PRELID2: variants seen among roughly 807,000 people sequenced by gnomAD.
PRELID2 encodes the protein PRELI domain-containing protein 2.
In PRELID2, 25 loss-of-function variants were observed where a neutral mutation model predicts 28.4. That is an observed-to-expected ratio of 0.88 (90% CI 0.64 to 1.23). The LOEUF (loss-of-function observed/expected upper bound fraction) is 1.23, where lower values mean the gene tolerates loss of function less well. Ranked by LOEUF, PRELID2 falls within the 50% of genes most tolerant of loss-of-function variation. The probability of loss-of-function intolerance (pLI) is 0.00; values close to 1 mark genes in which losing one functional copy is unlikely to be tolerated. For missense variants in PRELID2, 201 were observed against 214.4 expected (o/e 0.94, Z 0.39); for synonymous variants, 76 against 71.6 (o/e 1.06, Z -0.31).
rs28377893 is a variant in PRELID2, at chr5:145,821,016, T to C, written c.134-998A>G. Among the ~76,000 whole-genome samples, 1,074 of 152,244 alleles carry C rather than the reference T, an allele frequency of 7.1e-3. 15 individuals carry two copies. The highest frequency in any genetic ancestry group is 0.024 in the African/African-American group (1,015 of 41,544). ...AACTCCTGAGATCTTATCAGGAAGCTGCTGATCATCAGTTTCAGGTATTTT... is the reference window on the plus strand; with the variant it reads ...AACTCCTGAGATCTTATCAGGAAGCCGCTGATCATCAGTTTCAGGTATTTT... On this transcript the variant is annotated intron_variant, in intron 2 of 6. Transcript: ENST00000683046.
At chr5:145,654,035 A>T (rs932290825) in intron 1 of PRELID2, among the ~76,000 whole-genome samples, 1 of 152,194 alleles carries the variant, frequency 6.6e-6, no homozygotes, top group Admixed American at 6.5e-5. Flanking sequence ...GAGAAGAATC[A>T]AACAGATGCA....
the PRELID2 span, among the ~76,000 whole-genome samples, chr5:145,315,499 T>C: frequency 6.6e-6 from 1 of 152,234 alleles, no homozygotes; most frequent in East Asian, 1.9e-4. Context: ...ATTTTTCTTA[T>C]TCATGACTAC....
intron 1 of PRELID2, among the ~76,000 whole-genome samples, chr5:145,475,688 A>G (rs764390500): frequency 3.0e-4 from 45 of 152,216 alleles, no homozygotes; most frequent in Non-Finnish European, 6.2e-4. Context: ...TTCTTGTTTG[A>G]AAAGAATAGT....
At chr5:145,697,305 C>G (rs1203700520) in intron 1 of PRELID2, among the ~76,000 whole-genome samples, 1 of 151,864 alleles carries the variant, frequency 6.6e-6, no homozygotes, top group Admixed American at 6.6e-5. Flanking sequence ...CTCATTTAAT[C>G]TCACAGCAAC....
chr5:145,804,032 C>A (rs916610606), intron 4 of PRELID2, among the ~76,000 whole-genome samples: 10 of 152,162 alleles, frequency 6.6e-5, no homozygotes, highest in Non-Finnish European at 1.2e-4. Context: ...TAAGCGCTTT[C>A]CCTCTGAGCT....
downstream of PRELID2, among the ~76,000 whole-genome samples, chr5:145,469,335 T>C (rs569469297): frequency 6.6e-6 from 1 of 152,200 alleles, no homozygotes; most frequent in East Asian, 1.9e-4. Flanking sequence ...TCTTTGCAGG[T>C]GCAACAATTT....
chr5:145,293,149 A>C, the PRELID2 span, among the ~76,000 whole-genome samples: 6 of 152,272 alleles, frequency 3.9e-5, no homozygotes, highest in South Asian at 8.3e-4. Context: ...ACCATTTGCC[A>C]CAATTGCTAC....
intron 5 of PRELID2, among the ~76,000 whole-genome samples, chr5:145,794,599 C>T (rs950340085): frequency 2.6e-5 from 4 of 152,074 alleles, no homozygotes; most frequent in African/African-American, 9.7e-5. Context: ...GTGCCTAGTG[C>T]AAAGCAGGTA....
At chr5:145,573,509 G>A (rs1032840680) in intron 1 of PRELID2, among the ~76,000 whole-genome samples, 4 of 151,550 alleles carry the variant, frequency 2.6e-5, no homozygotes, top group South Asian at 2.1e-4. Context: ...TCCTCTGCCC[G>A]CACAACAGGC....
intron 1 of PRELID2, among the ~76,000 whole-genome samples, chr5:145,650,933 C>G (rs1057506945): frequency 6.6e-6 from 1 of 152,062 alleles, no homozygotes; most frequent in Non-Finnish European, 1.5e-5. Flanking sequence ...TGCGGCCCAC[C>G]GAGCGTGAGC....
At chr5:145,411,974 C>T in the PRELID2 span, among the ~76,000 whole-genome samples, 11 of 152,172 alleles carry the variant, frequency 7.2e-5, no homozygotes, top group Admixed American at 6.5e-4. Context: ...ATAGCTGGAG[C>T]AGCTGGGATG....
intron 1 of PRELID2, among the ~76,000 whole-genome samples, chr5:145,686,531 C>T (rs1755041433): frequency 6.6e-6 from 1 of 152,124 alleles, no homozygotes; most frequent in Non-Finnish European, 1.5e-5. Context: ...GCAGAAGAAA[C>T]ATTCAACCAG....
At chr5:145,385,696 T>C in the PRELID2 span, among the ~76,000 whole-genome samples, 1 of 152,202 alleles carries the variant, frequency 6.6e-6, no homozygotes, top group South Asian at 2.1e-4. Context: ...ATTATTGCAT[T>C]TTGTATTTCC....
intron 1 of PRELID2, among the ~76,000 whole-genome samples, chr5:145,825,076 A>G (rs1245116033): frequency 2.0e-5 from 3 of 151,560 alleles, no homozygotes; most frequent in Non-Finnish European, 4.4e-5. Context: ...AAATACAAAA[A>G]TTAGCCAGAT....
chr5:145,327,628 T>C, the PRELID2 span, among the ~76,000 whole-genome samples: 1 of 152,084 alleles, frequency 6.6e-6, no homozygotes, highest in Non-Finnish European at 1.5e-5. Flanking sequence ...TAGGTAAGAA[T>C]TTACTATTGC....
chr5:145,719,101 A>C (rs1200520320), intron 1 of PRELID2, among the ~76,000 whole-genome samples: 1 of 152,046 alleles, frequency 6.6e-6, no homozygotes, highest in African/African-American at 2.4e-5. Flanking sequence ...CAAAAGTACA[A>C]ATAAAACCAC....
chr5:145,643,717 C>T (rs576597069), intron 1 of PRELID2, among the ~76,000 whole-genome samples: 17 of 152,136 alleles, frequency 1.1e-4, no homozygotes, highest in African/African-American at 4.1e-4. Flanking sequence ...GAGTTTTTAG[C>T]ATGAAGGGGT....
the PRELID2 span, among the ~76,000 whole-genome samples, chr5:145,416,146 A>C: frequency 6.6e-6 from 1 of 151,832 alleles, no homozygotes; most frequent in African/African-American, 2.4e-5. Context: ...TTTTCTTGTA[A>C]ATTTGTTTGA....
At chr5:145,799,994 T>C (rs1167331406) in intron 4 of PRELID2, among the ~76,000 whole-genome samples, 7 of 152,140 alleles carry the variant, frequency 4.6e-5, no homozygotes, top group Admixed American at 4.6e-4. Context: ...TAAAAAATAT[T>C]CAAAACAGAA....
Sources: allele counts gnomAD v4.1 joint callset (sites outside exome capture counted in the v4.1 genomes callset), GRCh38; gene constraint gnomAD v4.1.1; transcripts MANE v1.5; gene names NCBI Gene and HGNC (gene_info 2026-07-23, HGNC 2026-07-21).